The following PTPRD variants were observed in gnomAD, a reference collection of about 807,000 sequenced individuals.
PTPRD encodes receptor-type tyrosine-protein phosphatase delta.
PTPRD carries 34 observed loss-of-function variants against 214.5 expected under a neutral mutation model. The ratio of observed to expected loss-of-function variants is 0.16; its 90% CI spans 0.12 to 0.21. The LOEUF is 0.21. PTPRD is among the 10% of genes least tolerant of loss of function. The pLI is 1.00. For missense variants in PTPRD, 2,545 were observed against 2,398.7 expected, an observed-to-expected ratio of 1.06 and a Z score of -1.27; for synonymous variants, 1,128 against 845.7, an observed-to-expected ratio of 1.33 and a Z score of -5.79.
At position 8,806,786 on chromosome 9, in the gene PTPRD, AT is replaced by A. The variant is rs572961626; in HGVS notation, c.-103-72841del. On this transcript the variant is annotated intron_variant, in intron 11 of 45. Coordinates refer to ENST00000381196, the MANE Select transcript of PTPRD (RefSeq NM_002839.4). ...ATACTTAGATTACTGTTAGAAATAT[AT>A]TTTAAAAACCACTTTGCCCAAATTA... Among the ~76,000 whole-genome samples, 989 of 152,292 alleles carry A rather than the reference AT, an allele frequency of 6.5e-3. 11 individuals are homozygous for A. The highest frequency in any genetic ancestry group is 0.022 in the African/African-American group (916 of 41,568).
intron 7 of PTPRD, among the ~76,000 whole-genome samples, chr9:9,729,654 C>T (rs2098152345): frequency 6.6e-6 from 1 of 151,970 alleles, no homozygotes; most frequent in African/African-American, 2.4e-5. Context: ...TAAATAAAAG[C>T]ACCTAATTAT....
At chr9:9,112,698 A>C (rs560380) in intron 10 of PTPRD, among the ~76,000 whole-genome samples, 59,835 of 151,932 alleles carry the variant, frequency 0.39, 12,146 homozygotes, top group Non-Finnish European at 0.45. Context: ...AAAGAGAATA[A>C]ATGTGCAGGC....
At chr9:10,438,008 C>T (rs201029242) in intron 2 of PTPRD, among the ~76,000 whole-genome samples, 2,340 of 124,464 alleles carry the variant, frequency 0.019, 57 homozygotes, top group Admixed American at 0.029. Flanking sequence ...CCTAAGTCTA[C>T]ATATATATAT....
At chr9:8,576,673 T>G (rs1170471177) in intron 14 of PTPRD, among the ~76,000 whole-genome samples, 1 of 151,204 alleles carries the variant, frequency 6.6e-6, no homozygotes, top group Admixed American at 6.6e-5. Context: ...TATCCGTGTC[T>G]CTTTCCTAAG....
rs889951263 is a variant in PTPRD, at chr9:9,358,192, G to C, written c.-203+39257C>G. Among the ~76,000 whole-genome samples the C allele has an allele frequency of 2.0e-5, 3 of 151,016 alleles. No homozygotes were observed. The East Asian group carries it at 5.8e-4, about 29-fold the overall frequency. On this transcript the variant is annotated intron_variant, in intron 9 of 45. Coordinates refer to ENST00000381196, the MANE Select transcript of PTPRD (RefSeq NM_002839.4). ...CTGTTCAAAGGTACTTGTAACATTT[G>C]GAAAAACATATTATATAGGCAATTT... is the stretch of plus-strand genomic sequence containing the variant.
rs1210336022 is a variant in PTPRD at position 8,500,742 on chromosome 9, G to C, written c.2128+12C>G. ...CAGAAGGGTGCAAACTGACGTAGCGGAGGCAACATACCATCTTCATTGGTT... is the reference window on the plus strand; with the variant it reads ...CAGAAGGGTGCAAACTGACGTAGCGCAGGCAACATACCATCTTCATTGGTT... On this transcript the variant is annotated intron_variant, in intron 24 of 45. Transcript: ENST00000381196. 1 of 1,613,080 alleles carries C rather than the reference G, an allele frequency of 6.2e-7. No homozygotes were observed. Among genetic ancestry groups the C allele is most frequent in the African/African-American group, 1.3e-5 (1 of 74,906 alleles).
At chr9:9,538,055 G>A (rs879256462) in intron 8 of PTPRD, among the ~76,000 whole-genome samples, 2 of 151,844 alleles carry the variant, frequency 1.3e-5, no homozygotes, top group African/African-American at 2.4e-5. Flanking sequence ...CTGGACTGGA[G>A]TCAGACAAAG....
chr9:8,956,647 TC>T (rs2099133104), intron 11 of PTPRD, among the ~76,000 whole-genome samples: 1 of 151,780 alleles, frequency 6.6e-6, no homozygotes, highest in Non-Finnish European at 1.5e-5. Flanking sequence ...GTAACATGCT[TC>T]ACAACAGGGG....
chr9:9,252,214 T>A (rs1259334368), intron 9 of PTPRD, among the ~76,000 whole-genome samples: 1 of 152,006 alleles, frequency 6.6e-6, no homozygotes, highest in Admixed American at 6.6e-5. Flanking sequence ...AAGAAGAAGC[T>A]CCAAAAACAG....
intron 7 of PTPRD, among the ~76,000 whole-genome samples, chr9:9,588,189 C>T (rs2154322560): frequency 6.6e-6 from 1 of 151,746 alleles, no homozygotes; most frequent in East Asian, 2.0e-4. Context: ...GGATTTTAAC[C>T]ATAGGCAGCG....
intron 2 of PTPRD, among the ~76,000 whole-genome samples, chr9:10,386,494 G>C (rs1404589715): frequency 6.6e-6 from 1 of 151,858 alleles, no homozygotes; most frequent in Admixed American, 6.6e-5. Context: ...CTGTGCACAT[G>C]AAACAAACCA....
chr9:9,077,229 T>G (rs1263852406), intron 10 of PTPRD, among the ~76,000 whole-genome samples: 3 of 151,792 alleles, frequency 2.0e-5, no homozygotes, highest in Non-Finnish European at 4.4e-5. Flanking sequence ...AGATGTGATG[T>G]ACAGTTTACA....
chr9:10,293,058 G>A (rs990895392), intron 3 of PTPRD, among the ~76,000 whole-genome samples: 1 of 151,866 alleles, frequency 6.6e-6, no homozygotes, highest in Non-Finnish European at 1.5e-5. Flanking sequence ...GGAACACTGT[G>A]AAGGAAGTTT....
chr9:10,308,624 G>T (rs2154415369), intron 3 of PTPRD, among the ~76,000 whole-genome samples: 1 of 152,112 alleles, frequency 6.6e-6, no homozygotes. Flanking sequence ...GATACAGTTT[G>T]CATTGAATAT....
At chr9:9,085,140 T>C (rs942333824) in intron 10 of PTPRD, among the ~76,000 whole-genome samples, 3 of 152,138 alleles carry the variant, frequency 2.0e-5, no homozygotes, top group East Asian at 1.9e-4. Flanking sequence ...TATTTAGTGA[T>C]TTTTTTGGTC....
chr9:9,981,479 C>T (rs1303396061), intron 4 of PTPRD, among the ~76,000 whole-genome samples: 4 of 151,644 alleles, frequency 2.6e-5, no homozygotes, highest in Non-Finnish European at 5.9e-5. Flanking sequence ...CTGAGCCTCC[C>T]GAGTAGCTGG....
intron 7 of PTPRD, among the ~76,000 whole-genome samples, chr9:9,727,049 T>C (rs1448389797): frequency 6.6e-6 from 1 of 152,206 alleles, no homozygotes; most frequent in African/African-American, 2.4e-5. Flanking sequence ...CTGCTTGATT[T>C]AGGACAGGAG....
intron 6 of PTPRD, among the ~76,000 whole-genome samples, chr9:9,753,811 A>G (rs537579203): frequency 3.6e-4 from 55 of 151,994 alleles, no homozygotes; most frequent in Non-Finnish European, 7.1e-4. Context: ...TGACTGCATT[A>G]TGTTTAGGGT....
intron 2 of PTPRD, among the ~76,000 whole-genome samples, chr9:10,437,323 A>T (rs1363907750): frequency 6.6e-6 from 1 of 151,880 alleles, no homozygotes; most frequent in Non-Finnish European, 1.5e-5. Flanking sequence ...GCACAAATAC[A>T]TATATTCAGA....
Sources: gnomAD v4.1 joint callset for allele counts (sites outside exome capture counted in the v4.1 genomes callset) on GRCh38, gnomAD v4.1.1 for gene constraint, MANE v1.5 for transcripts, NCBI Gene and HGNC (gene_info 2026-07-23, HGNC 2026-07-21) for gene names.